RREB1: variants seen among roughly 807,000 people sequenced by gnomAD.
RREB1 encodes the protein ras-responsive element-binding protein 1.
A neutral mutation model predicts 117.8 loss-of-function variants in RREB1; 27 were observed. The ratio of observed to expected loss-of-function variants is 0.23; its 90% CI spans 0.17 to 0.32. RREB1 has a LOEUF of 0.32. Among genes scored for constraint, RREB1 ranks in the 10% least tolerant of loss-of-function variants. The pLI is 1.00. For synonymous variants in RREB1, 1,298 were observed against 1,026.7 expected, an observed-to-expected ratio of 1.26 and a Z score of -5.05; for missense variants, 2,577 against 2,378.2, an observed-to-expected ratio of 1.08 and a Z score of -1.74.
chr6:7,170,170 G>A (rs1188174637), intron 1 of RREB1, among the ~76,000 whole-genome samples: 4 of 152,190 alleles, frequency 2.6e-5, no homozygotes, highest in Admixed American at 1.3e-4. Flanking sequence ...CAAGACCAGC[G>A]GGGTATTTGA....
At chr6:7,128,034 C>G (rs1362936519) in intron 1 of RREB1, among the ~76,000 whole-genome samples, 1 of 152,098 alleles carries the variant, frequency 6.6e-6, no homozygotes, top group Non-Finnish European at 1.5e-5. Flanking sequence ...TTGCCTTGTA[C>G]TCTCAGGTTT....
In RREB1 at chr6:7,230,237, A is replaced by G; in HGVS notation, c.2138A>G (p.Asn713Ser). The G allele has an allele frequency of 1.9e-6, 3 of 1,603,234 alleles. No homozygotes were observed. The highest frequency in any genetic ancestry group is 2.5e-6 in the Non-Finnish European group (3 of 1,179,816). ...ICHYPFTVKA[N>S]CERHLRKKHL... ...CACTACCCCTTCACTGTCAAAGCCA[A>G]CTGCGAGCGGCACCTGCGCAAGAAG... is the stretch of plus-strand genomic sequence containing the variant. Residue 713 changes from asparagine to serine, a missense_variant, in exon 10 of 13, where the codon AAC (asparagine) becomes AGC (serine). Asn to Ser is a conservative substitution (Grantham distance 46). Coordinates refer to ENST00000379938, the MANE Select transcript of RREB1 (RefSeq NM_001003699.4).
intron 6 of RREB1, among the ~76,000 whole-genome samples, chr6:7,207,222 C>G (rs1766326666): frequency 6.6e-6 from 1 of 152,108 alleles, no homozygotes. Flanking sequence ...GTTATTAGAC[C>G]TTAAGACAGA....
At chr6:7,129,532 A>C (rs1203207310) in intron 1 of RREB1, among the ~76,000 whole-genome samples, 1 of 152,246 alleles carries the variant, frequency 6.6e-6, no homozygotes, top group Non-Finnish European at 1.5e-5. Context: ...AGTGCCTCCC[A>C]TGGCAGCTCG....
At chr6:7,159,358 G>A (rs1048039327) in intron 1 of RREB1, among the ~76,000 whole-genome samples, 1 of 152,178 alleles carries the variant, frequency 6.6e-6, no homozygotes, top group African/African-American at 2.4e-5. Flanking sequence ...GTTTTAACCT[G>A]ATAGTCATCA....
At chr6:7,142,377 C>G (rs1489939967) in intron 1 of RREB1, among the ~76,000 whole-genome samples, 1 of 152,192 alleles carries the variant, frequency 6.6e-6, no homozygotes, top group Non-Finnish European at 1.5e-5. Flanking sequence ...TGCGTCCCCC[C>G]GCAAAGCTGG....
intron 6 of RREB1, among the ~76,000 whole-genome samples, chr6:7,191,941 A>G (rs888869027): frequency 1.3e-5 from 2 of 152,076 alleles, no homozygotes; most frequent in African/African-American, 4.8e-5. Flanking sequence ...AAGAGAATGA[A>G]CATTCTTTTT....
At chr6:7,167,546 G>A (rs1011082007) in intron 1 of RREB1, among the ~76,000 whole-genome samples, 2 of 152,090 alleles carry the variant, frequency 1.3e-5, no homozygotes, top group East Asian at 1.9e-4. Context: ...GTAGAGATGG[G>A]GTTTCACTAT....
intron 10 of RREB1, among the ~76,000 whole-genome samples, chr6:7,239,593 C>T (rs1250042364): frequency 6.6e-6 from 1 of 152,266 alleles, no homozygotes; most frequent in Non-Finnish European, 1.5e-5. Context: ...CTGTGCCTCT[C>T]TCAGTGGCTC....
intron 1 of RREB1, among the ~76,000 whole-genome samples, chr6:7,167,098 G>T (rs1229857696): frequency 6.6e-6 from 1 of 152,222 alleles, no homozygotes; most frequent in Admixed American, 6.5e-5. Flanking sequence ...GAGAGAAGCA[G>T]CTTGGTGAAT....
chr6:7,177,000 T>G (rs555491815), intron 2 of RREB1, among the ~76,000 whole-genome samples: 1 of 152,054 alleles, frequency 6.6e-6, no homozygotes, highest in East Asian at 1.9e-4. Context: ...ACAGATCACT[T>G]GAGGCCAGGC....
intron 10 of RREB1, among the ~76,000 whole-genome samples, chr6:7,239,627 G>A (rs746708171): frequency 1.1e-4 from 17 of 152,254 alleles, no homozygotes; most frequent in Non-Finnish European, 2.1e-4. Flanking sequence ...TTTGGGATGG[G>A]TCTAGGGGCG....
intron 8 of RREB1, chr6:7,218,776 A>G (rs982969165): frequency 1.4e-5 from 2 of 147,574 alleles, no homozygotes; most frequent in Non-Finnish European, 3.0e-5. Flanking sequence ...ATATTTACAT[A>G]TTTATCACAC....
At chr6:7,232,341 A>G (rs1393837742) in intron 10 of RREB1, among the ~76,000 whole-genome samples, 14 of 152,140 alleles carry the variant, frequency 9.2e-5, no homozygotes, top group Admixed American at 9.2e-4. Flanking sequence ...CAGTGTCCTC[A>G]ATGCAGCTTT....
intron 6 of RREB1, among the ~76,000 whole-genome samples, chr6:7,196,567 A>G (rs1185395045): frequency 6.6e-6 from 1 of 152,216 alleles, no homozygotes; most frequent in South Asian, 2.1e-4. Flanking sequence ...GATAAAGCCT[A>G]TAACTTACTA....
intron 1 of RREB1, among the ~76,000 whole-genome samples, chr6:7,165,834 T>C (rs1416612008): frequency 6.6e-6 from 1 of 152,124 alleles, no homozygotes; most frequent in South Asian, 2.1e-4. Flanking sequence ...TATCTCCCCT[T>C]TTCAGTTTTC....
At position 7,110,044 on chromosome 6, in the gene RREB1, G is replaced by A. The variant is rs1761056299; in HGVS notation, c.-285+1984G>A. 2.0e-5 allele frequency among the ~76,000 whole-genome samples: 3 copies of A among 151,842 alleles called. No individual in the cohort carries two copies. The South Asian group carries it at 6.2e-4, about 32-fold the overall frequency. On this transcript the variant is annotated intron_variant, in intron 1 of 12. Transcript: ENST00000379938. ...TTGCTGGAAATAGCGAGGAATTTCT[G>A]TCTTAAGAAGAAATGATTTCTGCAA...
At position 7,251,363 on chromosome 6, in the gene RREB1, T is replaced by G. The variant is rs1769399299; in HGVS notation, c.*2395T>G. 1 of 152,164 alleles carries G rather than the reference T, an allele frequency of 6.6e-6. No homozygotes were observed. The highest frequency in any genetic ancestry group is 2.4e-5 in the African/African-American group (1 of 41,430). 9.4% of individuals were successfully genotyped at this position (152,164 alleles called of 1,614,324 possible). On this transcript the variant is annotated 3_prime_UTR_variant, in exon 13 of 13. Coordinates refer to ENST00000379938, the MANE Select transcript of RREB1 (RefSeq NM_001003699.4). ...ACTCTGGGTGAATCATAGCTTAGTTTGCATGTCCAGCTAATTTGTTTCTAT... is the reference window on the plus strand; with the variant it reads ...ACTCTGGGTGAATCATAGCTTAGTTGGCATGTCCAGCTAATTTGTTTCTAT...
Position 7,246,845 on chromosome 6 carries a change from C to T in RREB1, c.4395C>T (p.Arg1465=), listed in dbSNP as rs1203382071. 6.4e-7 allele frequency: 1 copy of T among 1,553,356 alleles called. No individual in the cohort carries two copies. The highest frequency in any genetic ancestry group is 1.2e-5 in the South Asian group (1 of 84,390). The change falls in exon 12 of 13, where the codon CGC becomes CGT. Residue 1465 remains arginine, a synonymous_variant. Transcript: ENST00000379938. ...KSFKFLGTLS[R]HRKAHGRQEP... is the part of the protein sequence containing the mutation. ...TCAAGTTCCTGGGCACCCTGAGCCG[C>T]CACCGGAAGGCGCACGGCCGCCAGG...
Sources: gnomAD v4.1 joint callset for allele counts (sites outside exome capture counted in the v4.1 genomes callset) on GRCh38, gnomAD v4.1.1 for gene constraint, MANE v1.5 for transcripts, NCBI Gene and HGNC (gene_info 2026-07-23, HGNC 2026-07-21) for gene names.